The following MRNIP variants were observed in gnomAD, a reference collection of about 807,000 sequenced individuals.
MRNIP encodes MRN complex-interacting protein.
In MRNIP, 30 loss-of-function variants were observed where a neutral mutation model predicts 29.8. The observed-to-expected ratio is 1.01, with a 90% CI of 0.75 to 1.36. The LOEUF is 1.36. MRNIP is among the 40% of genes most tolerant of loss of function. The probability of loss-of-function intolerance (pLI) is 0.00; values close to 1 mark genes in which losing one functional copy is unlikely to be tolerated. For synonymous variants in MRNIP, 201 were observed against 164.1 expected (o/e 1.23, Z -1.72); for missense variants, 459 against 423.5 (o/e 1.08, Z -0.74).
intron 1 of MRNIP, 39 bp downstream of exon 1, chr5:179,858,692 C>T (rs1282356391): frequency 4.5e-6 from 6 of 1,341,138 alleles, no homozygotes; most frequent in Admixed American, 2.3e-5. Flanking sequence ...CCGCTGTCCC[C>T]GCGCCGGAGG....
intron 5 of MRNIP, chr5:179,841,214 C>T (rs143625979): frequency 4.9e-4 from 244 of 499,718 alleles, no homozygotes; most frequent in African/African-American, 3.6e-3. Context: ...GGCTCACTGC[C>T]GCCTTGACCT....
In MRNIP at chr5:179,858,722, C is replaced by T. The variant is rs1426194286; in HGVS notation, c.66+9G>A. The T allele has an allele frequency of 1.3e-6, 2 of 1,498,996 alleles. No homozygotes were observed. The highest frequency in any genetic ancestry group is 1.8e-6 in the Non-Finnish European group (2 of 1,118,584). The allele number at this position is 1,498,996 out of a possible 1,614,324, so 92.9% of individuals were successfully genotyped here. On this transcript the variant is annotated intron_variant, in intron 1 of 6. Transcript: ENST00000292586. ...CGGAGGAGGAGGAGGGGGCTGGCAC[C>T]CGCCAGACCTGGTGCGCCTGGAAGA...
chr5:179,844,985 C>T (rs543076000), intron 3 of MRNIP, among the ~76,000 whole-genome samples: 10 of 152,276 alleles, frequency 6.6e-5, no homozygotes, highest in African/African-American at 2.4e-4. Flanking sequence ...ATGCTGTGCT[C>T]TTATCTCTTC....
chr5:179,849,942 T>A, intron 2 of MRNIP, among the ~76,000 whole-genome samples: 1 of 149,464 alleles, frequency 6.7e-6, no homozygotes, highest in Non-Finnish European at 1.5e-5. Context: ...CACAGGCAGA[T>A]GGTACGGGAT....
rs114941898 is a variant in MRNIP, at chr5:179,851,196, T to C, written c.126+2182A>G. Reference sequence around the variant, plus strand: ...CTTCCTCAAGGAGAATGTAGAAATATATACATCTCAAACAAGCCATGCTCA... The same window carrying C: ...CTTCCTCAAGGAGAATGTAGAAATACATACATCTCAAACAAGCCATGCTCA... On this transcript the variant is annotated intron_variant, in intron 2 of 6. Transcript: ENST00000292586. 1.7e-3 allele frequency: 784 copies of C among 454,592 alleles called. 6 individuals carry two copies. Among genetic ancestry groups the C allele is most frequent in the African/African-American group, 0.015 (733 of 50,144 alleles). 28.2% of individuals were successfully genotyped at this position (454,592 alleles called of 1,614,324 possible). A position where few individuals can be genotyped will look rare whatever the true frequency, so the allele number is the denominator to read the frequency against.
At chr5:179,841,814 G>A (rs1361536568) in intron 5 of MRNIP, 93 bp downstream of exon 5, 8 of 1,368,228 alleles carry the variant, frequency 5.8e-6, no homozygotes, top group Middle Eastern at 2.7e-4. Context: ...GGCTTCCCGC[G>A]CTTGGCTGAC....
chr5:179,837,987 C>T lies in MRNIP; in HGVS notation c.538-102G>A, dbSNP rs182968597. 3.4e-4 allele frequency: 383 copies of T among 1,129,872 alleles called. 1 individual carries two copies. The African/African-American group carries it at 5.3e-3, about 16-fold the overall frequency. 70.0% of individuals were successfully genotyped at this position (1,129,872 alleles called of 1,614,324 possible). A position where few individuals can be genotyped will look rare whatever the true frequency, so the allele number is the denominator to read the frequency against. ...GCCTTGGCTGGGCCTCTGGTTCTGA[C>T]ACTTTCTGCTGGAAGCTGTCAGGCT... is the stretch of plus-strand genomic sequence containing the variant. On this transcript the variant is annotated intron_variant, in intron 6 of 6. Coordinates refer to ENST00000292586, the MANE Select transcript of MRNIP (RefSeq NM_016175.4).
rs575675053 is a variant in MRNIP, at chr5:179,843,041, A to AGAAGGAAGGAAGGAAGGAAGGAAG, written c.292-978_292-977insCTTCCTTCCTTCCTTCCTTCCTTC. Among the ~76,000 whole-genome samples, 99 of 106,288 alleles carry AGAAGGAAGGAAGGAAGGAAGGAAG rather than the reference A, an allele frequency of 9.3e-4. 2 individuals are homozygous for AGAAGGAAGGAAGGAAGGAAGGAAG. Among genetic ancestry groups the AGAAGGAAGGAAGGAAGGAAGGAAG allele is most frequent in the Non-Finnish European group, 1.1e-3 (60 of 56,918 alleles). The allele number at this position is 106,288 out of a possible 152,430, so 69.7% of individuals were successfully genotyped here. A position where few individuals can be genotyped will look rare whatever the true frequency, so the allele number is the denominator to read the frequency against. ...AGCGAGACTCTGTCGAAAGGAGGAAAGAAGGAAGGAAGGAAGGAAGGGAGG... is the reference window on the plus strand; with the variant it reads ...AGCGAGACTCTGTCGAAAGGAGGAAAGAAGGAAGGAAGGAAGGAAGGAAGGAAGGAAGGAAGGAAGGAAGGGAGG... On this transcript the variant is annotated intron_variant, in intron 4 of 6. Transcript: ENST00000292586.
At chr5:179,841,083 G>C in intron 5 of MRNIP, 124 bp from the exon 6 acceptor site, 3 of 641,662 alleles carry the variant, frequency 4.7e-6, no homozygotes, top group Non-Finnish European at 8.2e-6. Flanking sequence ...TTCCCAGGCA[G>C]CTGCTCAGGG....
In MRNIP at chr5:179,849,597, C is replaced by T. The variant is rs548319787; in HGVS notation, c.127-1531G>A. ...CCTGCTATGGCACAGGCAGATGCTA[C>T]GAGACGGAATTTGAGAGCATGGATC... is the stretch of plus-strand genomic sequence containing the variant. On this transcript the variant is annotated intron_variant, in intron 2 of 6. Transcript: ENST00000292586. 1.2e-4 allele frequency among the ~76,000 whole-genome samples: 16 copies of T among 138,360 alleles called. No homozygotes were observed. The South Asian group carries it at 1.6e-3, about 14-fold the overall frequency. 90.8% of individuals were successfully genotyped at this position (138,360 alleles called of 152,430 possible).
intron 1 of MRNIP, 56 bp downstream of exon 1, chr5:179,858,675 T>G: frequency 1.7e-6 from 2 of 1,187,606 alleles, no homozygotes; most frequent in South Asian, 2.9e-5. Flanking sequence ...GCCCCGCCAC[T>G]CCCCGTCCGC....
Position 179,837,332 on chromosome 5 carries a change from T to C in MRNIP, c.*59A>G. On this transcript the variant is annotated 3_prime_UTR_variant, in exon 7 of 7. Coordinates refer to ENST00000292586, the MANE Select transcript of MRNIP (RefSeq NM_016175.4). ...TTACAGAGTATCTTTAAAAGTGCCT[T>C]AGGGGAACCCTGTCCCTCCTAACAA... 2 of 1,588,580 alleles carry C rather than the reference T, an allele frequency of 1.3e-6. No individual in the cohort carries two copies. Among genetic ancestry groups the C allele is most frequent in the South Asian group, 2.3e-5 (2 of 86,822 alleles).
chr5:179,843,255 G>A (rs1161621011), intron 4 of MRNIP, among the ~76,000 whole-genome samples: 2 of 152,098 alleles, frequency 1.3e-5, no homozygotes, highest in Non-Finnish European at 2.9e-5. Flanking sequence ...GAGGGACCCT[G>A]TCTCAAAAAT....
chr5:179,853,504 C>T (rs982605697), intron 1 of MRNIP, 67 bp from the exon 2 acceptor site: 18 of 1,353,862 alleles, frequency 1.3e-5, no homozygotes, highest in African/African-American at 4.3e-5. Context: ...GGGCTGGACT[C>T]GGTGGCTCAT....
chr5:179,843,061 G>A (rs1242417612), intron 4 of MRNIP, among the ~76,000 whole-genome samples: 1 of 141,534 alleles, frequency 7.1e-6, no homozygotes, highest in Non-Finnish European at 1.6e-5. Context: ...AAGGAAGGAA[G>A]GGAGGGAGGG....
chr5:179,846,093 CATCTT>C (rs1416998642), intron 3 of MRNIP: 7 of 152,172 alleles, frequency 4.6e-5, no homozygotes, highest in East Asian at 1.9e-4. Flanking sequence ...TGAAGGCCCT[CATCTT>C]ATCACCCACT....
intron 2 of MRNIP, chr5:179,851,150 G>C (rs1759349993): frequency 2.2e-6 from 1 of 449,602 alleles, no homozygotes; most frequent in South Asian, 1.6e-5. Flanking sequence ...CAGCACAGAG[G>C]CATTGAGGGG....
chr5:179,850,704 T>C (rs936144539), intron 2 of MRNIP, among the ~76,000 whole-genome samples: 5 of 152,194 alleles, frequency 3.3e-5, no homozygotes, highest in Non-Finnish European at 7.4e-5. Flanking sequence ...GCATAACCAG[T>C]AGCGGTGTGC....
intron 2 of MRNIP, among the ~76,000 whole-genome samples, chr5:179,851,857 G>A (rs899695685): frequency 4.6e-5 from 7 of 151,686 alleles, no homozygotes; most frequent in Admixed American, 2.0e-4. Context: ...GGGAGCCTGT[G>A]GTCCCAGCTA....
Sources: allele counts gnomAD v4.1 joint callset (sites outside exome capture counted in the v4.1 genomes callset), GRCh38; gene constraint gnomAD v4.1.1; transcripts MANE v1.5; gene names NCBI Gene and HGNC (gene_info 2026-07-23, HGNC 2026-07-21).